The following NEK1 variants were observed in gnomAD, a reference collection of about 807,000 sequenced individuals.
NEK1 encodes serine/threonine-protein kinase Nek1.
Under a neutral mutation model 182.1 loss-of-function variants are expected in NEK1, and 137 were observed. That is an observed-to-expected ratio of 0.75 (90% confidence interval 0.65 to 0.87). The LOEUF (loss-of-function observed/expected upper bound fraction) is 0.87. Among genes scored for constraint, NEK1 ranks in the 40% least tolerant of loss-of-function variants. The pLI, the probability that NEK1 is intolerant of heterozygous loss-of-function variation, is 0.00. For missense variants in NEK1, 1,391 were observed against 1,494.4 expected, an observed-to-expected ratio of 0.93 and a Z score of 1.14; for synonymous variants, 513 against 492.2, an observed-to-expected ratio of 1.04 and a Z score of -0.56.
chr4:169,461,836 CA>C (rs1744020399), intron 27 of NEK1, among the ~76,000 whole-genome samples: 1 of 152,076 alleles, frequency 6.6e-6, no homozygotes, highest in Non-Finnish European at 1.5e-5. Context: ...CCTCTGAGAG[CA>C]AGAATGATCT....
At chr4:169,417,878 G>A (rs1220711378) in intron 31 of NEK1, among the ~76,000 whole-genome samples, 1 of 152,194 alleles carries the variant, frequency 6.6e-6, no homozygotes, top group East Asian at 1.9e-4. Flanking sequence ...TCTGGACTTT[G>A]GGTGCAGCCT....
intron 26 of NEK1, among the ~76,000 whole-genome samples, chr4:169,468,701 TC>T (rs1374634041): frequency 1.3e-5 from 2 of 152,142 alleles, no homozygotes; most frequent in Non-Finnish European, 2.9e-5. Context: ...TGGTACCAGC[TC>T]CTCTGTACCT....
Position 169,580,782 on chromosome 4 carries a change from A to G in NEK1, c.868+60T>C, listed in dbSNP as rs1766506450. On this transcript the variant is annotated intron_variant, in intron 11 of 35. Coordinates refer to ENST00000507142, the MANE Select transcript of NEK1 (RefSeq NM_001199397.3). ...ACTTACTACATCTACATATATTTCC[A>G]GTTTAATTAGGGTTGATTATTGCAA... is the stretch of plus-strand genomic sequence containing the variant. 6 of 974,658 alleles carry G rather than the reference A, an allele frequency of 6.2e-6. No individual in the cohort carries two copies. The South Asian group carries it at 8.6e-5, about 14-fold the overall frequency. The allele number at this position is 974,658 out of a possible 1,614,324, so 60.4% of individuals were successfully genotyped here.
intron 26 of NEK1, among the ~76,000 whole-genome samples, chr4:169,466,230 A>C (rs1744900945): frequency 6.6e-6 from 1 of 152,102 alleles, no homozygotes; most frequent in Admixed American, 6.6e-5. Flanking sequence ...ATTCATACTG[A>C]AGACAGAAAA....
chr4:169,461,732 C>A (rs1484245456), intron 27 of NEK1, among the ~76,000 whole-genome samples: 2 of 152,108 alleles, frequency 1.3e-5, no homozygotes, highest in Non-Finnish European at 2.9e-5. Flanking sequence ...AAGTTAATTA[C>A]CTAAATATCT....
intron 16 of NEK1, among the ~76,000 whole-genome samples, chr4:169,560,172 T>TG (rs1394472305): frequency 2.0e-5 from 3 of 152,202 alleles, no homozygotes; most frequent in African/African-American, 7.2e-5. Context: ...TGCATTTAGC[T>TG]GGGTCCCCTC....
intron 19 of NEK1, among the ~76,000 whole-genome samples, chr4:169,527,943 A>G (rs1413861237): frequency 6.6e-6 from 1 of 152,154 alleles, no homozygotes; most frequent in Non-Finnish European, 1.5e-5. Flanking sequence ...TAAAAAACTC[A>G]CCTCAAACAA....
chr4:169,443,139 A>G (rs1739842756), intron 27 of NEK1, among the ~76,000 whole-genome samples: 1 of 151,594 alleles, frequency 6.6e-6, no homozygotes, highest in Non-Finnish European at 1.5e-5. Flanking sequence ...ACATGGCAAA[A>G]CTCTGTCTCT....
At chr4:169,494,556 A>G (rs1271663345) in intron 23 of NEK1, among the ~76,000 whole-genome samples, 4 of 152,224 alleles carry the variant, frequency 2.6e-5, no homozygotes, top group Non-Finnish European at 4.4e-5. Flanking sequence ...CGCAATAAAC[A>G]TACGTGTGCT....
intron 10 of NEK1, among the ~76,000 whole-genome samples, chr4:169,582,537 A>G (rs1248124330): frequency 6.6e-6 from 1 of 152,202 alleles, no homozygotes; most frequent in Non-Finnish European, 1.5e-5. Context: ...TCTCTTCTCA[A>G]CAAATGCATT....
chr4:169,490,786 G>T (rs1396507707), intron 23 of NEK1, among the ~76,000 whole-genome samples: 1 of 151,932 alleles, frequency 6.6e-6, no homozygotes, highest in Non-Finnish European at 1.5e-5. Flanking sequence ...AAAAAGTGAA[G>T]AAAGCCTATA....
intron 18 of NEK1, among the ~76,000 whole-genome samples, chr4:169,539,191 G>A (rs1285149421): frequency 6.6e-6 from 1 of 152,130 alleles, no homozygotes; most frequent in Non-Finnish European, 1.5e-5. Context: ...CCAATGCCAT[G>A]TTAGCTTGAG....
At chr4:169,599,531 T>A (rs1042491718) in intron 4 of NEK1, among the ~76,000 whole-genome samples, 1 of 152,352 alleles carries the variant, frequency 6.6e-6, no homozygotes, top group South Asian at 2.1e-4. Flanking sequence ...ATGTCACACA[T>A]AAAATCATGT....
At chr4:169,464,870 A>G (rs1427323054) in intron 26 of NEK1, among the ~76,000 whole-genome samples, 1 of 152,058 alleles carries the variant, frequency 6.6e-6, no homozygotes, top group Non-Finnish European at 1.5e-5. Flanking sequence ...CTTATTGACA[A>G]TAATAATTTG....
At chr4:169,492,719 ATAC>A (rs1446270804) in intron 23 of NEK1, among the ~76,000 whole-genome samples, 1 of 152,166 alleles carries the variant, frequency 6.6e-6, no homozygotes, top group African/African-American at 2.4e-5. Context: ...ACCCGCAGAC[ATAC>A]TACACAACCT....
chr4:169,523,794 T>C (rs1756472247), intron 19 of NEK1, among the ~76,000 whole-genome samples: 1 of 152,214 alleles, frequency 6.6e-6, no homozygotes, highest in South Asian at 2.1e-4. Flanking sequence ...CTTTACTGCT[T>C]ATATGTTCCT....
intron 31 of NEK1, among the ~76,000 whole-genome samples, chr4:169,419,072 C>T (rs529312324): frequency 6.6e-6 from 1 of 152,196 alleles, no homozygotes; most frequent in South Asian, 2.1e-4. Context: ...TACCACACTG[C>T]TAGTCCTATA....
chr4:169,445,658 G>A (rs72973025), intron 27 of NEK1, among the ~76,000 whole-genome samples: 29,126 of 151,014 alleles, frequency 0.19, 4,218 homozygotes, highest in African/African-American at 0.41. Context: ...ATAATAAGAT[G>A]ATGAGGACTC....
intron 26 of NEK1, 53 bp from the exon 27 acceptor site, chr4:169,463,448 G>GT: frequency 1.5e-6 from 2 of 1,315,560 alleles, no homozygotes; most frequent in Non-Finnish European, 2.1e-6. Context: ...TAATAATACT[G>GT]CATGGTAAGG....
Sources: allele counts gnomAD v4.1 joint callset (sites outside exome capture counted in the v4.1 genomes callset), GRCh38; gene constraint gnomAD v4.1.1; transcripts MANE v1.5; gene names NCBI Gene and HGNC (gene_info 2026-07-23, HGNC 2026-07-21).